Variants in OPHN1 observed in about 807,000 individuals in gnomAD.
OPHN1 encodes oligophrenin 1.
In OPHN1, 11 loss-of-function variants were observed where a neutral mutation model predicts 60.7. That is an observed-to-expected ratio of 0.18 (90% CI 0.11 to 0.30). The LOEUF is 0.30. OPHN1 is among the 10% of genes least tolerant of loss of function. The pLI is 1.00. For synonymous variants in OPHN1, 226 were observed against 222.6 expected, an observed-to-expected ratio of 1.02 and a Z score of -0.14; for missense variants, 449 against 611.0, an observed-to-expected ratio of 0.73 and a Z score of 2.80.
At chrX:68,135,582 A>C (rs1226864531) in intron 15 of OPHN1, among the ~76,000 whole-genome samples, 2 of 112,408 alleles carry the variant, frequency 1.8e-5, no homozygotes, top group African/African-American at 6.5e-5. Context: ...CTGTGTAGAC[A>C]ACAGTAAGAG....
intron 15 of OPHN1, among the ~76,000 whole-genome samples, chrX:68,170,675 G>A (rs1282046674): frequency 4.7e-5 from 5 of 105,828 alleles, no homozygotes; most frequent in East Asian, 6.1e-4. Context: ...GTAAACTATC[G>A]CAAGAACAAA....
At position 68,395,118 on chromosome X, in the gene OPHN1, G is replaced by A. The variant is rs755065174; in HGVS notation, c.154+37749C>T. 1.8e-4 allele frequency among the ~76,000 whole-genome samples: 19 copies of A among 106,843 alleles called. No homozygotes were observed. The South Asian group carries it at 7.2e-3, about 41-fold the overall frequency. The allele number at this position is 106,843 out of a possible 115,157, so 92.8% of individuals were successfully genotyped here. A position where few individuals can be genotyped will look rare whatever the true frequency, so the allele number is the denominator to read the frequency against. ...TTACAGGCATGCACCACCACACCCCGCTAATTTTTTGTATTTTTGGTAGAG... is the reference window on the plus strand; with the variant it reads ...TTACAGGCATGCACCACCACACCCCACTAATTTTTTGTATTTTTGGTAGAG... On this transcript the variant is annotated intron_variant, in intron 2 of 24. Coordinates refer to ENST00000355520, the MANE Select transcript of OPHN1 (RefSeq NM_002547.3).
At chrX:68,297,264 T>C (rs2078100047) in intron 3 of OPHN1, among the ~76,000 whole-genome samples, 1 of 111,878 alleles carries the variant, frequency 8.9e-6, no homozygotes, top group African/African-American at 3.2e-5. Context: ...CTTGGCATTA[T>C]CTCATCCCCA....
chrX:68,132,739 C>CAAAAAAAAAAAAAA, intron 15 of OPHN1: 1 of 101,940 alleles, frequency 9.8e-6, no homozygotes, highest in Non-Finnish European at 1.8e-5. Flanking sequence ...TACTAAGTGT[C>CAAAAAAAAAAAAAA]AAAAAAAAAA....
At chrX:68,189,042 C>T (rs1445662377) in intron 15 of OPHN1, among the ~76,000 whole-genome samples, 10 of 112,379 alleles carry the variant, frequency 8.9e-5, no homozygotes, top group South Asian at 3.7e-4. Flanking sequence ...TTACTTCACT[C>T]GTTACAGCAG....
chrX:68,073,638 T>C (rs1458565324), intron 19 of OPHN1, among the ~76,000 whole-genome samples: 2 of 111,792 alleles, frequency 1.8e-5, no homozygotes, highest in African/African-American at 3.3e-5. Flanking sequence ...ATCCGTAACA[T>C]AGGGACAGCA....
intron 6 of OPHN1, among the ~76,000 whole-genome samples, chrX:68,223,865 TCATAATATAATAATAAA>T (rs2077676185): frequency 9.0e-6 from 1 of 111,009 alleles, no homozygotes; most frequent in East Asian, 2.8e-4. Context: ...TGATATCAAA[TCATAATATAATAATAAA>T]GATGGCAAGA....
chrX:68,242,044 A>C lies in OPHN1; in HGVS notation c.385-7456T>G, dbSNP rs189184343. Among the ~76,000 whole-genome samples the C allele has an allele frequency of 2.2e-4, 25 of 111,281 alleles. No individual in the cohort carries two copies. The East Asian group carries it at 7.0e-3, about 31-fold the overall frequency. ...GAAAAGATACTCAACATCATTAGTT[A>C]TTGGAAATGCAAATCAAAATCACAA... On this transcript the variant is annotated intron_variant, in intron 5 of 24. Transcript: ENST00000355520.
At chrX:68,287,173 G>GAAAGAAAGAAAGAAAGAAAGAAAGA (rs1250926312) in intron 3 of OPHN1, among the ~76,000 whole-genome samples, 6 of 94,703 alleles carry the variant, frequency 6.3e-5, no homozygotes, top group Non-Finnish European at 8.3e-5. Flanking sequence ...AAGAAAGAAA[G>GAAAGAAAGAAAGAAAGAAAGAAAGA]AAAGAAAGAA....
intron 2 of OPHN1, among the ~76,000 whole-genome samples, chrX:68,394,209 A>G (rs1340806942): frequency 9.1e-6 from 1 of 109,769 alleles, no homozygotes; most frequent in Non-Finnish European, 1.9e-5. Flanking sequence ...TTTGTTAAAT[A>G]ATACGTCATT....
chrX:68,130,934 T>C lies in OPHN1; in HGVS notation c.1277-11602A>G, dbSNP rs2077191601. 2.7e-5 allele frequency among the ~76,000 whole-genome samples: 3 copies of C among 111,263 alleles called. No individual in the cohort carries two copies. In the South Asian group the frequency reaches 1.1e-3, roughly 42 times the overall value. Reference sequence around the variant, plus strand: ...AAGTCCACACAAAGCGTAAAAATAATGACAAACTGGTAGATTCGAGCCTTG... The same window carrying C: ...AAGTCCACACAAAGCGTAAAAATAACGACAAACTGGTAGATTCGAGCCTTG... On this transcript the variant is annotated intron_variant, in intron 15 of 24. Transcript: ENST00000355520.
intron 2 of OPHN1, among the ~76,000 whole-genome samples, chrX:68,376,031 T>C (rs771010061): frequency 1.8e-5 from 2 of 111,775 alleles, no homozygotes; most frequent in Non-Finnish European, 3.8e-5. Flanking sequence ...GGATCTGTGG[T>C]TTATGATTCA....
At chrX:68,301,646 C>T (rs1373035891) in intron 2 of OPHN1, among the ~76,000 whole-genome samples, 1 of 111,076 alleles carries the variant, frequency 9.0e-6, no homozygotes, top group Admixed American at 9.7e-5. Flanking sequence ...GTGTGTGACA[C>T]ATTTAATTCT....
At chrX:68,097,339 C>A (rs1249686482) in intron 18 of OPHN1, among the ~76,000 whole-genome samples, 3 of 110,863 alleles carry the variant, frequency 2.7e-5, no homozygotes, top group African/African-American at 9.8e-5. Context: ...AGGAGGGAAG[C>A]AAGAGGACAT....
intron 6 of OPHN1, among the ~76,000 whole-genome samples, chrX:68,227,235 A>T (rs56096659): frequency 2.7e-5 from 3 of 111,708 alleles, no homozygotes; most frequent in Non-Finnish European, 3.8e-5. Flanking sequence ...CACCCAATAC[A>T]GGAGCACACA....
chrX:68,380,584 T>C (rs2078590916), intron 2 of OPHN1, among the ~76,000 whole-genome samples: 1 of 111,634 alleles, frequency 9.0e-6, no homozygotes, highest in African/African-American at 3.3e-5. Context: ...TAAATTTCCC[T>C]CTACACACTG....
intron 9 of OPHN1, among the ~76,000 whole-genome samples, chrX:68,207,742 TCTATGTTC>T (rs1363044074): frequency 8.9e-6 from 1 of 111,741 alleles, no homozygotes; most frequent in Non-Finnish European, 1.9e-5. Context: ...GCACCTCACC[TCTATGTTC>T]CTGTCTCAAT....
At chrX:68,351,762 T>C (rs2078412234) in intron 2 of OPHN1, among the ~76,000 whole-genome samples, 2 of 111,192 alleles carry the variant, frequency 1.8e-5, no homozygotes, top group Non-Finnish European at 3.8e-5. Context: ...AGTGCCGCGA[T>C]CTCGGCTCAC....
At chrX:68,084,616 A>T (rs1251758276) in intron 19 of OPHN1, among the ~76,000 whole-genome samples, 1 of 110,291 alleles carries the variant, frequency 9.1e-6, no homozygotes, top group East Asian at 2.9e-4. Context: ...ATTGAAAAAA[A>T]AAACCCTTCC....
Sources: gnomAD v4.1 joint callset for allele counts (sites outside exome capture counted in the v4.1 genomes callset) on GRCh38, gnomAD v4.1.1 for gene constraint, MANE v1.5 for transcripts, NCBI Gene and HGNC (gene_info 2026-07-23, HGNC 2026-07-21) for gene names.